The following ELAPOR2 variants were observed in gnomAD, a reference collection of about 807,000 sequenced individuals.
The protein encoded by ELAPOR2 is endosome/lysosome-associated apoptosis and autophagy regulator family member 2.
ELAPOR2 carries 89 observed loss-of-function variants against 120.7 expected under a neutral mutation model. That is an observed-to-expected ratio of 0.74 (90% confidence interval 0.62 to 0.88). The LOEUF (loss-of-function observed/expected upper bound fraction) is 0.88. ELAPOR2 is among the 40% of genes least tolerant of loss of function. The pLI is 0.00. For missense variants in ELAPOR2, 1,134 were observed against 1,251.6 expected, an observed-to-expected ratio of 0.91 and a Z score of 1.42; for synonymous variants, 444 against 444.9, an observed-to-expected ratio of 1.00 and a Z score of 0.03.
chr7:86,923,668 G>T (rs1789929105), intron 10 of ELAPOR2, among the ~76,000 whole-genome samples: 1 of 152,020 alleles, frequency 6.6e-6, no homozygotes, highest in Non-Finnish European at 1.5e-5. Context: ...CTAAATTTCT[G>T]AAACTTTGCC....
At chr7:87,011,249 CAAAAAA>C (rs772971682) in intron 1 of ELAPOR2, among the ~76,000 whole-genome samples, 2 of 52,984 alleles carry the variant, frequency 3.8e-5, no homozygotes, top group Non-Finnish European at 8.7e-5. Flanking sequence ...GACTCCATCT[CAAAAAA>C]AAAAAAAAAA....
intron 21 of ELAPOR2, among the ~76,000 whole-genome samples, chr7:86,884,000 G>C (rs2115744987): frequency 6.6e-6 from 1 of 152,192 alleles, no homozygotes; most frequent in East Asian, 1.9e-4. Flanking sequence ...AAAGAATATG[G>C]GTTGATGAAA....
In ELAPOR2 at chr7:86,914,785, T is replaced by C. The variant is rs759646029; in HGVS notation, c.1669A>G (p.Ile557Val). 1 of 1,612,906 alleles carries C rather than the reference T, an allele frequency of 6.2e-7. No homozygotes were observed. Among genetic ancestry groups the C allele is most frequent in the Non-Finnish European group, 8.5e-7 (1 of 1,179,238 alleles). The change falls in exon 13 of 22, where the codon ATC becomes GTC. Residue 557 changes from isoleucine to valine, a missense_variant. Around this residue, in one of 3 missense-constraint regions of ELAPOR2, gnomAD observed 831 missense variants for 867.6 expected, o/e 0.96. Coordinates refer to ENST00000450689, the MANE Select transcript of ELAPOR2 (RefSeq NM_001142749.3). ...TKEKQAYTHI[I>V]FKNATFTFTW... is the part of the protein sequence containing the mutation. ...AATGTAAAAGTTGCATTCTTGAAGA[T>C]GATATGGGTGTAAGCTTGTTTTTCT...
chr7:86,890,309 G>T (rs1788085572), intron 21 of ELAPOR2, among the ~76,000 whole-genome samples: 1 of 151,932 alleles, frequency 6.6e-6, no homozygotes, highest in Admixed American at 6.6e-5. Context: ...CTGAGCAAAG[G>T]GTAGGCTTGC....
intron 21 of ELAPOR2, among the ~76,000 whole-genome samples, chr7:86,883,980 G>A (rs192124217): frequency 6.1e-4 from 93 of 152,140 alleles, no homozygotes; most frequent in African/African-American, 2.1e-3. Context: ...CTTTGAAACC[G>A]AACAACAGAA....
In ELAPOR2 at chr7:86,951,413, C is replaced by T. The variant is rs116597464; in HGVS notation, c.311-3491G>A. Among the ~76,000 whole-genome samples the T allele has an allele frequency of 3.8e-3, 575 of 152,260 alleles. 3 individuals are homozygous for T. The highest frequency in any genetic ancestry group is 0.013 in the African/African-American group (538 of 41,544). On this transcript the variant is annotated intron_variant, in intron 2 of 21. Transcript: ENST00000450689. ...TAAAATATAAAAAAGAGAAGAATTG[C>T]GTTTGTGAATCTTGTCTTCTAAATA...
chr7:86,892,016 T>C (rs1788190717), intron 20 of ELAPOR2, 127 bp from the exon 21 acceptor site: 1 of 606,168 alleles, frequency 1.6e-6, no homozygotes, highest in Non-Finnish European at 2.8e-6. Flanking sequence ...CACCAACAAA[T>C]TTCCCTAGCC....
chr7:87,032,541 G>A (rs1794452691), intron 1 of ELAPOR2, among the ~76,000 whole-genome samples: 1 of 152,096 alleles, frequency 6.6e-6, no homozygotes, highest in African/African-American at 2.4e-5. Flanking sequence ...CAGATTTCTG[G>A]TTTAAGATGA....
Position 86,880,242 on chromosome 7 carries a change from G to C in ELAPOR2, c.*229C>G. ...ACAGATAAATCTCTTCCTGAGTTGA[G>C]CTTCATCTTCAGTTGAGACCCAAAT... On this transcript the variant is annotated 3_prime_UTR_variant, in exon 22 of 22. Transcript: ENST00000450689. 1.8e-6 allele frequency: 1 copy of C among 557,216 alleles called. No individual in the cohort carries two copies. Among genetic ancestry groups the C allele is most frequent in the Non-Finnish European group, 3.2e-6 (1 of 315,476 alleles). The allele number at this position is 557,216 out of a possible 1,614,324, so 34.5% of individuals were successfully genotyped here. A position where few individuals can be genotyped will look rare whatever the true frequency, so the allele number is the denominator to read the frequency against.
intron 10 of ELAPOR2, among the ~76,000 whole-genome samples, chr7:86,922,973 C>T (rs1397124076): frequency 6.6e-6 from 1 of 151,838 alleles, no homozygotes; most frequent in African/African-American, 2.4e-5. Context: ...TAAAGTAATT[C>T]ATATTTCACA....
rs554473196 is a variant in ELAPOR2 at position 87,043,766 on chromosome 7, C to T, written c.189+15559G>A. Reference sequence around the variant, plus strand: ...TGCTGGAAGTTCTGGCCAGGGCAATCAGGCAGGAGAAGGAAATAAAGGGTA... The same window carrying T: ...TGCTGGAAGTTCTGGCCAGGGCAATTAGGCAGGAGAAGGAAATAAAGGGTA... On this transcript the variant is annotated intron_variant, in intron 1 of 21. Transcript: ENST00000450689. Among the ~76,000 whole-genome samples, 306 of 150,844 alleles carry T rather than the reference C, an allele frequency of 2.0e-3. 2 individuals are homozygous for T. Among genetic ancestry groups the T allele is most frequent in the African/African-American group, 7.2e-3 (291 of 40,362 alleles).
chr7:86,912,999 T>C lies in ELAPOR2; in HGVS notation c.1937A>G (p.His646Arg). ...ACAAGCCTCTTTGCCATAGACCTGA[T>C]GTATGGACAGGTAGGTGTCAGGTGG... ...ECPPDTYLSI[H>R]QVYGKEACIP... is the part of the protein sequence containing the mutation. Residue 646 changes from histidine to arginine, a missense_variant, in exon 14 of 22, where the codon CAT becomes CGT. Around this residue, in one of 3 missense-constraint regions of ELAPOR2, gnomAD observed 831 missense variants for 867.6 expected, o/e 0.96. Transcript: ENST00000450689. 6.2e-7 allele frequency: 1 copy of C among 1,614,030 alleles called. No homozygotes were observed. Among genetic ancestry groups the C allele is most frequent in the Admixed American group, 1.7e-5 (1 of 60,008 alleles).
intron 1 of ELAPOR2, among the ~76,000 whole-genome samples, chr7:86,999,206 G>A (rs1484712750): frequency 6.6e-6 from 1 of 151,980 alleles, no homozygotes; most frequent in Non-Finnish European, 1.5e-5. Context: ...ATTTTCTAGT[G>A]GGCTACATAA....
At chr7:86,972,199 A>G (rs1381584754) in intron 1 of ELAPOR2, among the ~76,000 whole-genome samples, 2 of 152,134 alleles carry the variant, frequency 1.3e-5, no homozygotes, top group Non-Finnish European at 2.9e-5. Context: ...GAACCAACCA[A>G]TCAAAGCTCT....
At chr7:86,885,985 T>C (rs114891511) in intron 21 of ELAPOR2, among the ~76,000 whole-genome samples, 1 of 151,904 alleles carries the variant, frequency 6.6e-6, no homozygotes, top group African/African-American at 2.4e-5. Flanking sequence ...AAATGGTGAG[T>C]CAGGGTTTCA....
At position 87,004,396 on chromosome 7, in the gene ELAPOR2, C is replaced by T. The variant is rs188434221; in HGVS notation, c.190-39372G>A. Among the ~76,000 whole-genome samples the T allele has an allele frequency of 3.3e-5, 5 of 152,262 alleles. No homozygotes were observed. The East Asian group carries it at 7.7e-4, about 24-fold the overall frequency. On this transcript the variant is annotated intron_variant, in intron 1 of 21. Transcript: ENST00000450689. ...TCTATACACGTTACTCATTTCATTA[C>T]GTACTTTCACTTTGCCTTACAAAAG...
At chr7:87,007,397 A>ACACTGTGCTGTT (rs1341174257) in intron 1 of ELAPOR2, among the ~76,000 whole-genome samples, 2 of 152,226 alleles carry the variant, frequency 1.3e-5, no homozygotes, top group African/African-American at 4.8e-5. Flanking sequence ...ACATGAATGT[A>ACACTGTGCTGTT]CACTGTGCTG....
intron 18 of ELAPOR2, among the ~76,000 whole-genome samples, chr7:86,907,020 G>A (rs181669746): frequency 6.6e-6 from 1 of 152,244 alleles, no homozygotes; most frequent in African/African-American, 2.4e-5. Context: ...TGACAATTCT[G>A]AGCCTACAAA....
chr7:86,918,541 TG>T lies in ELAPOR2; in HGVS notation c.1493del (p.Pro498HisfsTer5). 6.3e-7 allele frequency: 1 copy of T among 1,594,222 alleles called. No homozygotes were observed. The highest frequency in any genetic ancestry group is 8.6e-7 in the Non-Finnish European group (1 of 1,162,130). On this transcript the variant is annotated frameshift_variant and splice_region_variant, in exon 12 of 22. Transcript: ENST00000450689. LOFTEE classifies it high-confidence loss of function. ...CCGTGGCTCCAGTCATAGATGTTGG[TG>T]GTCTATTTGACAGATTAAAATGGCA... ...ILNLHIPGFKPPTSMTGATGS... is the reference protein window; with the variant it reads ...ILNLHIPGFKXPTSMTGATGS...
Sources: gnomAD v4.1 joint callset for allele counts (sites outside exome capture counted in the v4.1 genomes callset) on GRCh38, gnomAD v4.1.1 for gene constraint, gnomAD v4.1.1 regional missense constraint, MANE v1.5 for transcripts, NCBI Gene and HGNC (gene_info 2026-07-23, HGNC 2026-07-21) for gene names.